Variants in NR3C2 observed in about 807,000 individuals in gnomAD.
NR3C2 encodes mineralocorticoid receptor.
A neutral mutation model predicts 86.4 loss-of-function variants in NR3C2; 15 were observed. The observed-to-expected ratio is 0.17, with a 90% CI of 0.12 to 0.27. The LOEUF (loss-of-function observed/expected upper bound fraction) is 0.27. Among genes scored for constraint, NR3C2 ranks in the 10% least tolerant of loss-of-function variants. The probability of loss-of-function intolerance (pLI) is 1.00; values close to 1 mark genes in which losing one functional copy is unlikely to be tolerated. For synonymous variants in NR3C2, 458 were observed against 450.5 expected, an observed-to-expected ratio of 1.02 and a Z score of -0.21; for missense variants, 960 against 1,195.6, an observed-to-expected ratio of 0.80 and a Z score of 2.91.
chr4:148,289,828 G>A (rs556269346), intron 2 of NR3C2, among the ~76,000 whole-genome samples: 2 of 151,976 alleles, frequency 1.3e-5, no homozygotes, highest in Non-Finnish European at 2.9e-5. Flanking sequence ...GAGGGAACAT[G>A]TCACATGCGA....
At position 148,080,415 on chromosome 4, in the gene NR3C2, T is replaced by C. The variant is rs1261795844; in HGVS notation, c.*929A>G. The C allele has an allele frequency of 1.3e-5, 2 of 152,822 alleles. No homozygotes were observed. The highest frequency in any genetic ancestry group is 3.8e-4 in the East Asian group (2 of 5,208). 9.5% of individuals were successfully genotyped at this position (152,822 alleles called of 1,614,324 possible). On this transcript the variant is annotated 3_prime_UTR_variant, in exon 9 of 9. Coordinates refer to ENST00000358102, the MANE Select transcript of NR3C2 (RefSeq NM_000901.5). ...AGCTTTCCCTTTCTTAAATACACTG[T>C]AAACGGTTCATTATGCATGCAGGAC...
At chr4:148,276,303 T>C (rs1740958582) in intron 2 of NR3C2, among the ~76,000 whole-genome samples, 1 of 152,208 alleles carries the variant, frequency 6.6e-6, no homozygotes, top group Non-Finnish European at 1.5e-5. Context: ...TTCTGATTCA[T>C]TTGGATATAT....
rs72951952 is a variant in NR3C2, at chr4:148,333,347, T to C, written c.1758-73230A>G. Among the ~76,000 whole-genome samples the C allele has an allele frequency of 6.3e-3, 963 of 152,186 alleles. 8 individuals carry two copies. The highest frequency in any genetic ancestry group is 0.023 in the African/African-American group (935 of 41,462). ...TTTTGTATCATCAACTGATCTCTAA[T>C]AATTAGTCTCCCATTCCTAGGAAAA... On this transcript the variant is annotated intron_variant, in intron 2 of 8. Coordinates refer to ENST00000358102, the MANE Select transcript of NR3C2 (RefSeq NM_000901.5).
chr4:148,081,278 T>G lies in NR3C2; in HGVS notation c.*66A>C. The G allele has an allele frequency of 6.2e-7, 1 of 1,602,884 alleles. No individual in the cohort carries two copies. Among genetic ancestry groups the G allele is most frequent in the Non-Finnish European group, 8.5e-7 (1 of 1,170,138 alleles). ...ATCACATGTTAAAAACAGGTTTTCT[T>G]GGGTCCTTCTGGGTGTGGAACAACA... On this transcript the variant is annotated 3_prime_UTR_variant, in exon 9 of 9. Transcript: ENST00000358102.
chr4:148,158,948 G>A (rs537929414), intron 4 of NR3C2, among the ~76,000 whole-genome samples: 16 of 152,302 alleles, frequency 1.1e-4, no homozygotes, highest in Admixed American at 9.8e-4. Flanking sequence ...TACTCCAATA[G>A]TTCAAGGTAA....
chr4:148,141,438 C>T (rs61094192), intron 6 of NR3C2, among the ~76,000 whole-genome samples: 19,859 of 122,026 alleles, frequency 0.16, 1,454 homozygotes, highest in Non-Finnish European at 0.22. Context: ...TCTCTCTCTC[C>T]CTCTCTCTCA....
intron 2 of NR3C2, among the ~76,000 whole-genome samples, chr4:148,372,034 G>C (rs549535901): frequency 6.6e-6 from 1 of 152,110 alleles, no homozygotes; most frequent in South Asian, 2.1e-4. Flanking sequence ...ATAAACTATT[G>C]CTCATGTATA....
chr4:148,142,855 C>T (rs1324783096), intron 6 of NR3C2, among the ~76,000 whole-genome samples: 1 of 152,168 alleles, frequency 6.6e-6, no homozygotes, highest in Non-Finnish European at 1.5e-5. Context: ...TAAATGCTGT[C>T]CTCCCGCTGA....
In NR3C2 at chr4:148,166,598, T is replaced by C. The variant is rs73853780; in HGVS notation, c.2015-11697A>G. Among the ~76,000 whole-genome samples, 728 of 152,310 alleles carry C rather than the reference T, an allele frequency of 4.8e-3. 7 individuals carry two copies. The highest frequency in any genetic ancestry group is 0.017 in the African/African-American group (690 of 41,562). On this transcript the variant is annotated intron_variant, in intron 4 of 8. Coordinates refer to ENST00000358102, the MANE Select transcript of NR3C2 (RefSeq NM_000901.5). ...AAAAGTATTCTTCATATTTCTATCA[T>C]TTAGTCATACCCTACCACCCTAAAG... is the stretch of plus-strand genomic sequence containing the variant.
At chr4:148,395,963 T>C (rs1464699473) in intron 2 of NR3C2, among the ~76,000 whole-genome samples, 1 of 152,232 alleles carries the variant, frequency 6.6e-6, no homozygotes, top group Non-Finnish European at 1.5e-5. Context: ...AAGCTATACT[T>C]GGGACAAGGC....
intron 2 of NR3C2, among the ~76,000 whole-genome samples, chr4:148,347,199 C>T (rs1745038589): frequency 6.6e-6 from 1 of 151,994 alleles, no homozygotes; most frequent in African/African-American, 2.4e-5. Flanking sequence ...AATTTTCCTG[C>T]ATTTTATGTA....
chr4:148,221,100 G>A (rs183740743), intron 3 of NR3C2, among the ~76,000 whole-genome samples: 50 of 152,218 alleles, frequency 3.3e-4, no homozygotes, highest in African/African-American at 1.1e-3. Flanking sequence ...ACATTATATG[G>A]GGCTCAAACA....
intron 3 of NR3C2, among the ~76,000 whole-genome samples, chr4:148,198,339 T>G (rs1450251389): frequency 3.3e-5 from 5 of 152,214 alleles, no homozygotes; most frequent in Non-Finnish European, 5.9e-5. Flanking sequence ...TTCAATTATT[T>G]TGAAATCAAG....
chr4:148,281,930 T>C (rs868725307), intron 2 of NR3C2, among the ~76,000 whole-genome samples: 32 of 152,232 alleles, frequency 2.1e-4, no homozygotes, highest in Non-Finnish European at 3.8e-4. Flanking sequence ...AGAGATTAAT[T>C]CATTGCAGAG....
intron 4 of NR3C2, among the ~76,000 whole-genome samples, chr4:148,180,682 T>C (rs1005058784): frequency 1.1e-4 from 17 of 152,234 alleles, no homozygotes; most frequent in Admixed American, 9.8e-4. Flanking sequence ...AGTGTGGTCG[T>C]AATCACAGAG....
intron 3 of NR3C2, among the ~76,000 whole-genome samples, chr4:148,234,747 T>C (rs951855136): frequency 6.7e-6 from 1 of 149,976 alleles, no homozygotes; most frequent in East Asian, 2.0e-4. Context: ...GGCCAATACA[T>C]GGGTTACTAG....
At chr4:148,345,249 T>C (rs1744932298) in intron 2 of NR3C2, among the ~76,000 whole-genome samples, 1 of 151,660 alleles carries the variant, frequency 6.6e-6, no homozygotes, top group Non-Finnish European at 1.5e-5. Context: ...TTTAGTTAGT[T>C]TTTTTTTAAT....
chr4:148,135,902 A>G (rs1733285502), intron 6 of NR3C2, among the ~76,000 whole-genome samples: 1 of 146,568 alleles, frequency 6.8e-6, no homozygotes, highest in East Asian at 2.1e-4. Flanking sequence ...CTAAAAATAC[A>G]AAAAATTAGC....
At chr4:148,130,916 T>C (rs1733014287) in intron 6 of NR3C2, among the ~76,000 whole-genome samples, 1 of 146,878 alleles carries the variant, frequency 6.8e-6, no homozygotes, top group Admixed American at 7.0e-5. Flanking sequence ...CTCCGCCTCC[T>C]GGGTTCACGC....
Sources: gnomAD v4.1 joint callset for allele counts (sites outside exome capture counted in the v4.1 genomes callset) on GRCh38, gnomAD v4.1.1 for gene constraint, MANE v1.5 for transcripts, NCBI Gene and HGNC (gene_info 2026-07-23, HGNC 2026-07-21) for gene names.